The following PAWR variants were observed in gnomAD, a reference collection of about 807,000 sequenced individuals.
PAWR encodes the protein PRKC apoptosis WT1 regulator protein.
PAWR carries 23 observed loss-of-function variants against 32.0 expected under a neutral mutation model. The observed-to-expected ratio is 0.72, with a 90% CI of 0.52 to 1.02. The LOEUF is 1.02. Ranked by LOEUF, PAWR falls within the 50% of genes least tolerant of loss-of-function variation. PAWR has a pLI of 0.00. For missense variants in PAWR, 457 were observed against 437.7 expected, an observed-to-expected ratio of 1.04 and a Z score of -0.39; for synonymous variants, 226 against 187.1, an observed-to-expected ratio of 1.21 and a Z score of -1.70.
intron 2 of PAWR, among the ~76,000 whole-genome samples, chr12:79,686,782 T>C (rs192527535): frequency 1.8e-3 from 269 of 152,250 alleles, no homozygotes; most frequent in African/African-American, 5.8e-3. Flanking sequence ...AGCCCAATCA[T>C]CTCCCCCTTT....
intron 2 of PAWR, among the ~76,000 whole-genome samples, chr12:79,674,111 A>G (rs1328373770): frequency 1.3e-5 from 2 of 152,178 alleles, no homozygotes; most frequent in Non-Finnish European, 2.9e-5. Context: ...ATCCTAAGCA[A>G]AAAGAACAAA....
intron 2 of PAWR, among the ~76,000 whole-genome samples, chr12:79,625,754 A>T (rs1875268663): frequency 2.0e-5 from 3 of 152,042 alleles, no homozygotes; most frequent in Middle Eastern, 3.4e-3. Context: ...CGGGAGGCAG[A>T]GCTTGCAGTG....
chr12:79,626,420 C>G (rs536837108), intron 2 of PAWR, among the ~76,000 whole-genome samples: 1 of 149,968 alleles, frequency 6.7e-6, no homozygotes, highest in East Asian at 2.1e-4. Flanking sequence ...CCACCACGCC[C>G]GGATCATTTT....
chr12:79,636,096 T>C (rs1267092870), intron 2 of PAWR, among the ~76,000 whole-genome samples: 1 of 152,156 alleles, frequency 6.6e-6, no homozygotes, highest in African/African-American at 2.4e-5. Context: ...ATATGTTAAA[T>C]ATGGAAATAA....
At position 79,592,492 on chromosome 12, in the gene PAWR, A is replaced by G; in HGVS notation, c.*115T>C. 1.8e-6 allele frequency: 1 copy of G among 557,646 alleles called. No individual in the cohort carries two copies. The highest frequency in any genetic ancestry group is 2.4e-5 in the South Asian group (1 of 42,046). 34.5% of individuals were successfully genotyped at this position (557,646 alleles called of 1,614,324 possible). A position where few individuals can be genotyped will look rare whatever the true frequency, so the allele number is the denominator to read the frequency against. ...ACAAACATCTGTTTGCTAGAAATAA[A>G]TATACTTGCTTAGTTATTTTAATGT... On this transcript the variant is annotated 3_prime_UTR_variant, in exon 7 of 7. Coordinates refer to ENST00000328827, the MANE Select transcript of PAWR (RefSeq NM_002583.4).
At chr12:79,602,461 T>G (rs886585471) in intron 4 of PAWR, among the ~76,000 whole-genome samples, 1 of 152,114 alleles carries the variant, frequency 6.6e-6, no homozygotes, top group African/African-American at 2.4e-5. Context: ...TGGAGGCTAT[T>G]GTAATCACCT....
rs139948770 is a variant in PAWR at position 79,626,456 on chromosome 12, T to G, written c.517-5249A>C. ...TTGTATTTTTAGTAGATATGAGGGT[T>G]CACCATGTTAGCCAGGATGGTCTCG... On this transcript the variant is annotated intron_variant, in intron 2 of 6. Transcript: ENST00000328827. Among the ~76,000 whole-genome samples, 995 of 151,336 alleles carry G rather than the reference T, an allele frequency of 6.6e-3. 2 individuals carry two copies. Among genetic ancestry groups the G allele is most frequent in the Non-Finnish European group, 0.012 (814 of 67,824 alleles).
intron 2 of PAWR, among the ~76,000 whole-genome samples, chr12:79,647,026 T>C (rs1294303835): frequency 6.6e-6 from 1 of 151,652 alleles, no homozygotes; most frequent in Admixed American, 6.6e-5. Context: ...AATACAAAAA[T>C]TAGCTGGGTG....
intron 4 of PAWR, among the ~76,000 whole-genome samples, chr12:79,605,323 A>G (rs895257690): frequency 1.3e-5 from 2 of 152,230 alleles, no homozygotes; most frequent in African/African-American, 4.8e-5. Flanking sequence ...TGGCTGCTCA[A>G]ATTTCACCAC....
At chr12:79,628,354 A>C (rs1432290759) in intron 2 of PAWR, among the ~76,000 whole-genome samples, 1 of 152,220 alleles carries the variant, frequency 6.6e-6, no homozygotes, top group Non-Finnish European at 1.5e-5. Flanking sequence ...CACAAGAGAA[A>C]GCAGGAAAGA....
At chr12:79,667,179 A>C (rs1317609035) in intron 2 of PAWR, among the ~76,000 whole-genome samples, 1 of 152,162 alleles carries the variant, frequency 6.6e-6, no homozygotes, top group East Asian at 1.9e-4. Flanking sequence ...TGGCAAAATA[A>C]ATTTTCTAAA....
intron 3 of PAWR, among the ~76,000 whole-genome samples, chr12:79,613,986 T>A (rs1388802584): frequency 0.011 from 34 of 3,186 alleles, 1 homozygote; most frequent in African/African-American, 0.018. Context: ...TATATTTTTT[T>A]TTTTTTTTTT....
At chr12:79,616,498 C>G (rs948471673) in intron 3 of PAWR, among the ~76,000 whole-genome samples, 7 of 152,028 alleles carry the variant, frequency 4.6e-5, no homozygotes, top group Non-Finnish European at 8.8e-5. Context: ...TATGGTAAAA[C>G]TTAGAGTAAT....
chr12:79,631,659 A>G (rs1307719705), intron 2 of PAWR, among the ~76,000 whole-genome samples: 1 of 152,162 alleles, frequency 6.6e-6, no homozygotes, highest in Admixed American at 6.5e-5. Flanking sequence ...AAAATATGCT[A>G]TGTTAGGGGA....
At chr12:79,634,770 A>T (rs1875878872) in intron 2 of PAWR, among the ~76,000 whole-genome samples, 2 of 152,056 alleles carry the variant, frequency 1.3e-5, no homozygotes. Flanking sequence ...TGAGAATTGC[A>T]GCTGAAAAAA....
At chr12:79,640,703 T>C (rs11837220) in intron 2 of PAWR, among the ~76,000 whole-genome samples, 1,709 of 152,230 alleles carry the variant, frequency 0.011, 45 homozygotes, top group African/African-American at 0.039. Flanking sequence ...GCCGTGATCA[T>C]GCCACTGCAC....
At chr12:79,626,420 C>T (rs536837108) in intron 2 of PAWR, among the ~76,000 whole-genome samples, 62 of 150,074 alleles carry the variant, frequency 4.1e-4, no homozygotes, top group African/African-American at 1.3e-3. Flanking sequence ...CCACCACGCC[C>T]GGATCATTTT....
intron 2 of PAWR, among the ~76,000 whole-genome samples, chr12:79,679,353 A>C (rs1033426903): frequency 4.6e-5 from 7 of 152,158 alleles, no homozygotes; most frequent in African/African-American, 1.7e-4. Flanking sequence ...GGAATGAAAG[A>C]AGCTGTCACA....
At chr12:79,599,171 G>C (rs1041276597) in intron 4 of PAWR, among the ~76,000 whole-genome samples, 3 of 152,202 alleles carry the variant, frequency 2.0e-5, no homozygotes, top group African/African-American at 7.2e-5. Flanking sequence ...AACACCAAGA[G>C]TTCATCCCAA....
Sources: allele counts gnomAD v4.1 joint callset (sites outside exome capture counted in the v4.1 genomes callset), GRCh38; gene constraint gnomAD v4.1.1; transcripts MANE v1.5; gene names NCBI Gene and HGNC (gene_info 2026-07-23, HGNC 2026-07-21).